The following FOXO3 variants were observed in gnomAD, a reference collection of about 807,000 sequenced individuals.
FOXO3 encodes forkhead box O3.
FOXO3 carries 4 observed loss-of-function variants against 41.9 expected under a neutral mutation model. That is an observed-to-expected ratio of 0.10 (90% confidence interval 0.05 to 0.22). The LOEUF (loss-of-function observed/expected upper bound fraction) is 0.22. Among genes scored for constraint, FOXO3 ranks in the 10% least tolerant of loss-of-function variants. The pLI, the probability that FOXO3 is intolerant of heterozygous loss-of-function variation, is 1.00. For missense variants in FOXO3, 534 were observed against 906.8 expected, an observed-to-expected ratio of 0.59 and a Z score of 5.28; for synonymous variants, 318 against 389.3, an observed-to-expected ratio of 0.82 and a Z score of 2.16.
At chr6:108,590,137 CTTT>C (rs200489337) in intron 1 of FOXO3, among the ~76,000 whole-genome samples, 1 of 144,098 alleles carries the variant, frequency 6.9e-6, no homozygotes. Flanking sequence ...TAATTTAAAT[CTTT>C]TTTTTTTTTT....
intron 1 of FOXO3, among the ~76,000 whole-genome samples, chr6:108,647,748 A>G (rs967600014): frequency 1.3e-5 from 2 of 152,210 alleles, no homozygotes; most frequent in Non-Finnish European, 2.9e-5. Flanking sequence ...GGAAAAGAAA[A>G]TACCAATTTC....
At chr6:108,573,673 C>A (rs551520773) in intron 1 of FOXO3, among the ~76,000 whole-genome samples, 29 of 151,342 alleles carry the variant, frequency 1.9e-4, no homozygotes, top group African/African-American at 6.3e-4. Flanking sequence ...ACTAAAAATA[C>A]AAAAAATTAG....
chr6:108,578,034 T>C (rs1206534275), intron 1 of FOXO3, among the ~76,000 whole-genome samples: 1 of 152,234 alleles, frequency 6.6e-6, no homozygotes, highest in East Asian at 1.9e-4. Context: ...TGCATAAGAC[T>C]TGAAAACTGA....
chr6:108,630,985 T>G (rs969266534), intron 1 of FOXO3, among the ~76,000 whole-genome samples: 4 of 152,174 alleles, frequency 2.6e-5, no homozygotes, highest in Non-Finnish European at 4.4e-5. Context: ...GTTTTTTCTT[T>G]TTGTTTAACA....
intron 1 of FOXO3, among the ~76,000 whole-genome samples, chr6:108,580,338 A>G (rs1215019731): frequency 6.6e-6 from 1 of 151,784 alleles, no homozygotes; most frequent in African/African-American, 2.4e-5. Flanking sequence ...ACAGGTGCCC[A>G]CCATCGTGCT....
chr6:108,660,588 T>C (rs1778815210), intron 1 of FOXO3, among the ~76,000 whole-genome samples: 1 of 152,174 alleles, frequency 6.6e-6, no homozygotes, highest in Non-Finnish European at 1.5e-5. Context: ...CATTCTGGGC[T>C]GGGCGTGGTG....
intron 1 of FOXO3, among the ~76,000 whole-genome samples, chr6:108,605,883 C>T (rs1050200855): frequency 6.6e-6 from 1 of 152,140 alleles, no homozygotes; most frequent in Admixed American, 6.5e-5. Context: ...TCACAAGATC[C>T]AATTATTTTG....
chr6:108,591,894 A>T (rs1409332300), intron 1 of FOXO3, among the ~76,000 whole-genome samples: 1 of 152,208 alleles, frequency 6.6e-6, no homozygotes, highest in Admixed American at 6.5e-5. Flanking sequence ...GTTAAAAAAA[A>T]AAAAAAGTTT....
At chr6:108,645,226 G>C (rs926529902) in intron 1 of FOXO3, among the ~76,000 whole-genome samples, 4 of 152,128 alleles carry the variant, frequency 2.6e-5, no homozygotes, top group Admixed American at 2.0e-4. Context: ...CAATATCCTG[G>C]TATGTTGTGG....
rs767455317 is a variant in FOXO3, at chr6:108,681,490, GC to G, written c.*1703del. ...CTGCACACACCACCGGCCACCAGGG[GC>G]CCCCTTGTGCGCCTTGGCTTTATAA... On this transcript the variant is annotated 3_prime_UTR_variant, in exon 3 of 3. Coordinates refer to ENST00000406360, the MANE Select transcript of FOXO3 (RefSeq NM_001455.4). 17 of 151,300 alleles carry G rather than the reference GC, an allele frequency of 1.1e-4. No homozygotes were observed. The highest frequency in any genetic ancestry group is 2.1e-4 in the Non-Finnish European group (14 of 67,732). The allele number at this position is 151,300 out of a possible 1,614,324, so 9.4% of individuals were successfully genotyped here.
At chr6:108,603,928 T>A (rs1777120786) in intron 1 of FOXO3, among the ~76,000 whole-genome samples, 1 of 152,212 alleles carries the variant, frequency 6.6e-6, no homozygotes, top group Non-Finnish European at 1.5e-5. Context: ...TTTGTAATGA[T>A]CTTGGAAATA....
intron 2 of FOXO3, among the ~76,000 whole-genome samples, chr6:108,665,725 C>T (rs181801107): frequency 6.7e-6 from 1 of 149,734 alleles, no homozygotes; most frequent in Non-Finnish European, 1.5e-5. Flanking sequence ...AGGAGAATCC[C>T]TTGTGCCCAG....
At chr6:108,629,520 T>C (rs1360175397) in intron 1 of FOXO3, among the ~76,000 whole-genome samples, 3 of 152,150 alleles carry the variant, frequency 2.0e-5, no homozygotes, top group African/African-American at 7.2e-5. Flanking sequence ...TTGAACTTTT[T>C]TGGAGTTGTG....
chr6:108,639,599 G>A (rs945226701), intron 1 of FOXO3: 28 of 984,964 alleles, frequency 2.8e-5, no homozygotes, highest in Non-Finnish European at 3.4e-5. Flanking sequence ...GGTGGACCCT[G>A]CCTCAAACAG....
chr6:108,601,948 A>G (rs769703826), intron 1 of FOXO3, among the ~76,000 whole-genome samples: 2 of 152,242 alleles, frequency 1.3e-5, no homozygotes, highest in Non-Finnish European at 2.9e-5. Flanking sequence ...GCCTTGTGCT[A>G]TGAATATTAA....
intron 1 of FOXO3, among the ~76,000 whole-genome samples, chr6:108,637,942 CAGT>C (rs1223961105): frequency 6.6e-6 from 1 of 151,976 alleles, no homozygotes; most frequent in Non-Finnish European, 1.5e-5. Flanking sequence ...AATGTTAAAT[CAGT>C]AGAACAGGAA....
intron 1 of FOXO3, among the ~76,000 whole-genome samples, chr6:108,570,061 G>A (rs1399613849): frequency 8.8e-5 from 12 of 135,880 alleles, no homozygotes; most frequent in Admixed American, 1.6e-4. Context: ...GTGCAGTGGC[G>A]TGATCTTGGC....
chr6:108,675,549 A>G (rs143434007), intron 2 of FOXO3, among the ~76,000 whole-genome samples: 133 of 152,326 alleles, frequency 8.7e-4, no homozygotes, highest in South Asian at 7.3e-3. Context: ...TTGCATTAAT[A>G]TCAATTCCTT....
intron 2 of FOXO3, among the ~76,000 whole-genome samples, chr6:108,669,129 A>G (rs1416148522): frequency 6.6e-6 from 1 of 152,150 alleles, no homozygotes; most frequent in Non-Finnish European, 1.5e-5. Context: ...TAAAAAAAAT[A>G]AAAACTAAAT....
Sources: allele counts gnomAD v4.1 joint callset (sites outside exome capture counted in the v4.1 genomes callset), GRCh38; gene constraint gnomAD v4.1.1; transcripts MANE v1.5; gene names NCBI Gene and HGNC (gene_info 2026-07-23, HGNC 2026-07-21).